Variants in IQCM observed in about 807,000 individuals in gnomAD.
IQCM encodes IQ domain-containing protein M.
IQCM carries 45 observed loss-of-function variants against 57.6 expected under a neutral mutation model. That is an observed-to-expected ratio of 0.78 (90% CI 0.62 to 1.00). The LOEUF is 1.00. Among genes scored for constraint, IQCM ranks in the 50% least tolerant of loss-of-function variants. IQCM has a pLI of 0.00. For synonymous variants in IQCM, 148 were observed against 158.9 expected (o/e 0.93, Z 0.51); for missense variants, 468 against 511.6 (o/e 0.91, Z 0.82).
chr4:149,608,175 T>A (rs1754967199), intron 8 of IQCM, among the ~76,000 whole-genome samples: 1 of 151,940 alleles, frequency 6.6e-6, no homozygotes, highest in Non-Finnish European at 1.5e-5. Flanking sequence ...AAGAAGGTTA[T>A]TATATAATGG....
intron 7 of IQCM, among the ~76,000 whole-genome samples, chr4:149,641,085 C>A (rs1758147989): frequency 1.3e-5 from 2 of 152,108 alleles, no homozygotes; most frequent in Non-Finnish European, 2.9e-5. Context: ...AGCTATCATG[C>A]CACTGCACTC....
chr4:149,730,616 T>C (rs1027395341), intron 5 of IQCM, among the ~76,000 whole-genome samples: 3 of 152,232 alleles, frequency 2.0e-5, no homozygotes, highest in Non-Finnish European at 4.4e-5. Context: ...TCTAGCTAGA[T>C]AGAATTTTCT....
chr4:149,471,267 T>TA (rs1359944920), intron 12 of IQCM, among the ~76,000 whole-genome samples: 1 of 151,958 alleles, frequency 6.6e-6, no homozygotes, highest in Non-Finnish European at 1.5e-5. Context: ...ATAGACACTA[T>TA]AAAAAATGAT....
intron 12 of IQCM, among the ~76,000 whole-genome samples, chr4:149,523,256 C>T (rs1745839197): frequency 6.6e-6 from 1 of 152,056 alleles, no homozygotes. Context: ...TACCATCACA[C>T]TGGGGATTAG....
intron 7 of IQCM, among the ~76,000 whole-genome samples, chr4:149,652,098 A>G (rs1759238374): frequency 6.6e-6 from 1 of 152,208 alleles, no homozygotes; most frequent in Non-Finnish European, 1.5e-5. Flanking sequence ...TGGTACATAT[A>G]CACCATGGAA....
chr4:149,547,393 G>A (rs1748557653), intron 12 of IQCM, among the ~76,000 whole-genome samples: 1 of 152,124 alleles, frequency 6.6e-6, no homozygotes, highest in Non-Finnish European at 1.5e-5. Context: ...AGCCAGATAT[G>A]GAAACACAAA....
intron 13 of IQCM, among the ~76,000 whole-genome samples, chr4:149,415,274 A>T (rs1051719011): frequency 6.6e-6 from 1 of 152,196 alleles, no homozygotes; most frequent in African/African-American, 2.4e-5. Context: ...CTTGCTCATC[A>T]TTCTTTGTAA....
chr4:149,647,505 G>C (rs560123849), intron 7 of IQCM, among the ~76,000 whole-genome samples: 1 of 152,150 alleles, frequency 6.6e-6, no homozygotes, highest in African/African-American at 2.4e-5. Flanking sequence ...ACATAGTAAG[G>C]TTATTATTCC....
At chr4:149,775,575 C>T (rs1448016495) in intron 2 of IQCM, among the ~76,000 whole-genome samples, 1 of 151,636 alleles carries the variant, frequency 6.6e-6, no homozygotes, top group Non-Finnish European at 1.5e-5. Flanking sequence ...CTTGGTATTG[C>T]ACAGGGCTTT....
chr4:149,384,131 A>G (rs898700257), intron 13 of IQCM, among the ~76,000 whole-genome samples: 1 of 152,184 alleles, frequency 6.6e-6, no homozygotes, highest in Non-Finnish European at 1.5e-5. Context: ...ATTATAGTTA[A>G]GAAACTGAGA....
At chr4:149,515,392 G>C (rs889220795) in intron 12 of IQCM, among the ~76,000 whole-genome samples, 1 of 152,136 alleles carries the variant, frequency 6.6e-6, no homozygotes, top group Non-Finnish European at 1.5e-5. Context: ...GACTGGGCTT[G>C]AGCAGGTCCT....
chr4:149,371,729 A>C (rs1730382888), intron 13 of IQCM, among the ~76,000 whole-genome samples: 1 of 152,244 alleles, frequency 6.6e-6, no homozygotes, highest in Non-Finnish European at 1.5e-5. Context: ...ACAGATCATG[A>C]AAGTTAATTT....
intron 13 of IQCM, among the ~76,000 whole-genome samples, chr4:149,410,613 A>G (rs921981346): frequency 4.6e-5 from 7 of 151,996 alleles, no homozygotes; most frequent in African/African-American, 1.7e-4. Context: ...GGATATTAAC[A>G]GTAGCATTCA....
intron 12 of IQCM, among the ~76,000 whole-genome samples, chr4:149,538,323 T>A (rs1747508670): frequency 6.6e-6 from 1 of 151,722 alleles, no homozygotes; most frequent in Non-Finnish European, 1.5e-5. Flanking sequence ...CTAAAAATAT[T>A]GGAATAAATT....
intron 2 of IQCM, among the ~76,000 whole-genome samples, chr4:149,772,414 AC>A (rs779183953): frequency 6.6e-5 from 10 of 151,940 alleles, no homozygotes; most frequent in Non-Finnish European, 1.3e-4. Flanking sequence ...ACATACACGC[AC>A]CCCCCATTCA....
chr4:149,546,391 C>A (rs1430616156), intron 12 of IQCM, among the ~76,000 whole-genome samples: 1 of 152,268 alleles, frequency 6.6e-6, no homozygotes, highest in East Asian at 1.9e-4. Context: ...TGAGGAATCG[C>A]CACACTGTCT....
chr4:149,742,750 G>T lies in IQCM; in HGVS notation c.-48-11C>A. The stretch of plus-strand genomic sequence containing the variant: ...TGTGAGCTCCAAGTCCTTAAACACA[G>T]TTACATTAAGTAATTCAGTGATGAT... On this transcript the variant is annotated splice_polypyrimidine_tract_variant and intron_variant, in intron 2 of 13. Coordinates refer to ENST00000636793, the MANE Select transcript of IQCM (RefSeq NM_001363507.2). The T allele has an allele frequency of 9.7e-7, 1 of 1,030,544 alleles. No individual in the cohort carries two copies. The highest frequency in any genetic ancestry group is 1.2e-6 in the Non-Finnish European group (1 of 804,094). 63.8% of individuals were successfully genotyped at this position (1,030,544 alleles called of 1,614,324 possible).
At chr4:149,534,953 T>C (rs1747138121) in intron 12 of IQCM, among the ~76,000 whole-genome samples, 1 of 152,118 alleles carries the variant, frequency 6.6e-6, no homozygotes, top group African/African-American at 2.4e-5. Context: ...TCATAAGCTT[T>C]CAATTCAATA....
chr4:149,410,818 G>A (rs1733331837), intron 13 of IQCM, among the ~76,000 whole-genome samples: 1 of 152,028 alleles, frequency 6.6e-6, no homozygotes, highest in Non-Finnish European at 1.5e-5. Flanking sequence ...CTGGCCAATA[G>A]TTAACATAGA....
Sources: allele counts gnomAD v4.1 joint callset (sites outside exome capture counted in the v4.1 genomes callset), GRCh38; gene constraint gnomAD v4.1.1; transcripts MANE v1.5; gene names NCBI Gene and HGNC (gene_info 2026-07-23, HGNC 2026-07-21).